The following ITPR2 variants were observed in gnomAD, a reference collection of about 807,000 sequenced individuals.
ITPR2 encodes inositol 1,4,5-trisphosphate receptor type 2.
In ITPR2, 207 loss-of-function variants were observed where a neutral mutation model predicts 317.1. The ratio of observed to expected loss-of-function variants is 0.65; its 90% CI spans 0.58 to 0.73. ITPR2 has a LOEUF of 0.73. ITPR2 is among the 30% of genes least tolerant of loss of function. The probability of loss-of-function intolerance (pLI) is 0.00; values close to 1 mark genes in which losing one functional copy is unlikely to be tolerated. For missense variants in ITPR2, 2,613 were observed against 3,284.0 expected, an observed-to-expected ratio of 0.80 and a Z score of 4.99; for synonymous variants, 1,156 against 1,149.1, an observed-to-expected ratio of 1.01 and a Z score of -0.12.
At chr12:26,611,921 T>C (rs1946278036) in intron 26 of ITPR2, among the ~76,000 whole-genome samples, 1 of 152,240 alleles carries the variant, frequency 6.6e-6, no homozygotes, top group Non-Finnish European at 1.5e-5. Context: ...TATTTTAGCC[T>C]TTAAGCTTTC....
chr12:26,626,471 A>G (rs1946627288), intron 23 of ITPR2, among the ~76,000 whole-genome samples: 1 of 152,250 alleles, frequency 6.6e-6, no homozygotes, highest in South Asian at 2.1e-4. Context: ...ACTGACACTT[A>G]AAACTCATGT....
chr12:26,556,924 C>T (rs1470461912), intron 35 of ITPR2, among the ~76,000 whole-genome samples: 3 of 151,896 alleles, frequency 2.0e-5, no homozygotes, highest in Non-Finnish European at 4.4e-5. Flanking sequence ...ACTAAAAATA[C>T]AAAAATCAGC....
intron 10 of ITPR2, among the ~76,000 whole-genome samples, chr12:26,693,626 T>G (rs912233030): frequency 2.6e-5 from 4 of 152,232 alleles, no homozygotes; most frequent in African/African-American, 9.6e-5. Flanking sequence ...TATTGTTTTT[T>G]AATTTGTATT....
chr12:26,510,833 C>T (rs1192073648), intron 37 of ITPR2, among the ~76,000 whole-genome samples: 1 of 152,182 alleles, frequency 6.6e-6, no homozygotes, highest in African/African-American at 2.4e-5. Flanking sequence ...GCATTATTTG[C>T]TCTTCCGAAA....
chr12:26,679,910 G>C (rs1947997501), intron 13 of ITPR2, among the ~76,000 whole-genome samples: 1 of 151,768 alleles, frequency 6.6e-6, no homozygotes, highest in African/African-American at 2.4e-5. Flanking sequence ...TATAGATACA[G>C]TATATAATAC....
chr12:26,721,263 G>A, intron 5 of ITPR2: 1 of 537,156 alleles, frequency 1.9e-6, no homozygotes, highest in Non-Finnish European at 3.4e-6. Context: ...ATTCCTGCAT[G>A]CCATGCTTCT....
At chr12:26,713,010 G>A (rs1948675963) in intron 8 of ITPR2, among the ~76,000 whole-genome samples, 2 of 152,218 alleles carry the variant, frequency 1.3e-5, no homozygotes, top group Non-Finnish European at 2.9e-5. Context: ...ACCCAGCGGG[G>A]CTCTGAGGAC....
chr12:26,415,358 C>CA lies in ITPR2; in HGVS notation c.7250dup (p.Leu2417PhefsTer4). 6.2e-7 allele frequency: 1 copy of CA among 1,611,548 alleles called. No individual in the cohort carries two copies. Among genetic ancestry groups the CA allele is most frequent in the Admixed American group, 1.7e-5 (1 of 59,688 alleles). On this transcript the variant is annotated frameshift_variant, in exon 51 of 57. Coordinates refer to ENST00000381340, the MANE Select transcript of ITPR2 (RefSeq NM_002223.4). LOFTEE classifies it high-confidence loss of function. ...CAACTTCCATAGTGAAGTCATCCTT[C>CA]AAAAAAAGGAACCCAATAATGGAAA...
intron 13 of ITPR2, among the ~76,000 whole-genome samples, chr12:26,666,754 G>C (rs1947640153): frequency 6.6e-6 from 1 of 152,112 alleles, no homozygotes; most frequent in Non-Finnish European, 1.5e-5. Flanking sequence ...TCTATATTTT[G>C]GTTATTATTA....
At chr12:26,626,933 T>C (rs1353731101) in intron 23 of ITPR2, among the ~76,000 whole-genome samples, 1 of 152,162 alleles carries the variant, frequency 6.6e-6, no homozygotes, top group Non-Finnish European at 1.5e-5. Flanking sequence ...CAGCCTATAA[T>C]GACTTGGCCT....
At chr12:26,452,824 T>C (rs1941772709) in intron 45 of ITPR2, among the ~76,000 whole-genome samples, 1 of 152,134 alleles carries the variant, frequency 6.6e-6, no homozygotes, top group Non-Finnish European at 1.5e-5. Context: ...TGCCTAATCT[T>C]GGACTTCCCA....
chr12:26,816,308 GT>G (rs1950851493), intron 1 of ITPR2, among the ~76,000 whole-genome samples: 1 of 152,084 alleles, frequency 6.6e-6, no homozygotes, highest in African/African-American at 2.4e-5. Flanking sequence ...CTTACTAAGT[GT>G]TTTACATATG....
At chr12:26,796,801 G>A (rs1045733052) in intron 1 of ITPR2, among the ~76,000 whole-genome samples, 3 of 152,070 alleles carry the variant, frequency 2.0e-5, no homozygotes, top group East Asian at 1.9e-4. Flanking sequence ...AGGCTGAGGC[G>A]GGTGGATTGC....
chr12:26,388,729 G>T (rs116027149), intron 54 of ITPR2, among the ~76,000 whole-genome samples: 12 of 151,718 alleles, frequency 7.9e-5, no homozygotes, highest in Non-Finnish European at 1.8e-4. Context: ...TAAAAAATCT[G>T]TCCCCATTGA....
intron 1 of ITPR2, among the ~76,000 whole-genome samples, chr12:26,800,526 GC>G (rs1482243996): frequency 3.9e-5 from 6 of 152,198 alleles, no homozygotes; most frequent in Admixed American, 3.3e-4. Flanking sequence ...TACTTGGGAG[GC>G]TGAGGCAGGG....
chr12:26,417,918 G>T (rs1461089158), intron 50 of ITPR2, among the ~76,000 whole-genome samples: 4 of 152,170 alleles, frequency 2.6e-5, no homozygotes, highest in African/African-American at 9.7e-5. Flanking sequence ...AGGTAAAAGT[G>T]CTGGGTATAA....
intron 26 of ITPR2, among the ~76,000 whole-genome samples, chr12:26,618,590 A>T (rs1434167337): frequency 6.6e-6 from 1 of 152,232 alleles, no homozygotes; most frequent in Admixed American, 6.5e-5. Context: ...TAGTGGAGGG[A>T]AAACAACTGG....
At chr12:26,388,653 T>A (rs1019884617) in intron 54 of ITPR2, among the ~76,000 whole-genome samples, 1 of 151,880 alleles carries the variant, frequency 6.6e-6, no homozygotes, top group Non-Finnish European at 1.5e-5. Context: ...TCTGTAGAGA[T>A]GGAGCTTCAC....
intron 46 of ITPR2, among the ~76,000 whole-genome samples, chr12:26,443,305 T>A (rs1266584236): frequency 1.3e-5 from 2 of 151,916 alleles, no homozygotes; most frequent in East Asian, 3.9e-4. Context: ...TTAAAAAACA[T>A]CTATTAATTA....
Sources: allele counts gnomAD v4.1 joint callset (sites outside exome capture counted in the v4.1 genomes callset), GRCh38; gene constraint gnomAD v4.1.1; transcripts MANE v1.5; gene names NCBI Gene and HGNC (gene_info 2026-07-23, HGNC 2026-07-21).